Variants in TADA3 observed in about 807,000 individuals in gnomAD.
The protein encoded by TADA3 is transcriptional adapter 3.
Under a neutral mutation model 43.2 loss-of-function variants are expected in TADA3, and 25 were observed. The ratio of observed to expected loss-of-function variants is 0.58; its 90% CI spans 0.42 to 0.81. TADA3 has a LOEUF of 0.81. Ranked by LOEUF, TADA3 falls within the 30% of genes least tolerant of loss-of-function variation. TADA3 has a pLI of 0.00. For missense variants in TADA3, 441 were observed against 567.8 expected (o/e 0.78, Z 2.27); for synonymous variants, 235 against 225.5 (o/e 1.04, Z -0.38).
At chr3:9,790,010 G>C (rs918936328) in intron 2 of TADA3, 47 bp from the exon 3 acceptor site, 5 of 1,533,402 alleles carry the variant, frequency 3.3e-6, no homozygotes, top group Non-Finnish European at 4.4e-6. Flanking sequence ...GGAAAACACA[G>C]AATATCTCTT....
chr3:9,787,541 T>A, intron 4 of TADA3: 1 of 983,676 alleles, frequency 1.0e-6, no homozygotes, highest in Non-Finnish European at 1.5e-6. Flanking sequence ...CAAAAAGAAC[T>A]AAGACACACA....
chr3:9,781,394 C>A, intron 8 of TADA3: 2 of 418,196 alleles, frequency 4.8e-6, no homozygotes, highest in Admixed American at 2.5e-5. Flanking sequence ...TACTATTATT[C>A]ATATGTTACC....
At chr3:9,785,265 G>A in intron 7 of TADA3, 51 bp downstream of exon 7, 1 of 1,453,074 alleles carries the variant, frequency 6.9e-7, no homozygotes, top group Non-Finnish European at 9.6e-7. Flanking sequence ...ATGGAGAGAA[G>A]CCAACAGAAG....
Position 9,787,116 on chromosome 3 carries a change from G to T in TADA3, c.707-7C>A. 1 of 1,614,160 alleles carries T rather than the reference G, an allele frequency of 6.2e-7. No homozygotes were observed. Among genetic ancestry groups the T allele is most frequent in the East Asian group, 2.2e-5 (1 of 44,884 alleles). ...TTCAGCAGGGCATCCACATCTAAGCGGGCACAGGAAAGGAGGGGAGGTGGG... is the reference window on the plus strand; with the variant it reads ...TTCAGCAGGGCATCCACATCTAAGCTGGCACAGGAAAGGAGGGGAGGTGGG... On this transcript the variant is annotated splice_polypyrimidine_tract_variant and splice_region_variant and intron_variant, in intron 5 of 8. Coordinates refer to ENST00000301964, the MANE Select transcript of TADA3 (RefSeq NM_006354.5).
chr3:9,783,848 A>C, intron 8 of TADA3, 180 bp downstream of exon 8: 1 of 1,106,544 alleles, frequency 9.0e-7, no homozygotes, highest in Non-Finnish European at 1.2e-6. Context: ...ACTCTGTGGA[A>C]TCAGAATTTG....
chr3:9,791,942 A>T (rs925549772), intron 1 of TADA3, among the ~76,000 whole-genome samples: 4 of 151,800 alleles, frequency 2.6e-5, no homozygotes, highest in Admixed American at 1.3e-4. Flanking sequence ...CATTCTTACC[A>T]TGTTCTCTGG....
intron 8 of TADA3, chr3:9,783,315 A>C (rs1026758419): frequency 3.3e-5 from 5 of 152,090 alleles, no homozygotes; most frequent in African/African-American, 1.2e-4. Flanking sequence ...AAGAAGCGTA[A>C]ATTTTTTTTC....
chr3:9,783,675 G>T (rs1223233242), intron 8 of TADA3: 1 of 174,982 alleles, frequency 5.7e-6, no homozygotes, highest in African/African-American at 2.4e-5. Flanking sequence ...CTACTCAGGA[G>T]GCTGAGGCAG....
chr3:9,787,806 T>C (rs1425093992), intron 4 of TADA3: 1 of 946,194 alleles, frequency 1.1e-6, no homozygotes, highest in Non-Finnish European at 1.5e-6. Context: ...AGAGACTGAC[T>C]AACTTTCTGC....
chr3:9,783,439 C>G (rs1311710476), intron 8 of TADA3: 1 of 151,624 alleles, frequency 6.6e-6, no homozygotes, highest in African/African-American at 2.4e-5. Context: ...CCTGCCTCAG[C>G]CTCCCATGGA....
intron 8 of TADA3, chr3:9,781,530 G>A (rs1345381851): frequency 2.2e-6 from 1 of 456,582 alleles, no homozygotes; most frequent in Non-Finnish European, 4.4e-6. Flanking sequence ...GGTGCCAGCA[G>A]AAGGCCTGCT....
At chr3:9,789,083 GC>G (rs2078681008) in intron 4 of TADA3, among the ~76,000 whole-genome samples, 1 of 152,116 alleles carries the variant, frequency 6.6e-6, no homozygotes, top group South Asian at 2.1e-4. Context: ...CAATCTGCCC[GC>G]CCCGGCCTCC....
intron 1 of TADA3, among the ~76,000 whole-genome samples, chr3:9,791,909 A>C (rs2078745430): frequency 6.6e-6 from 1 of 152,016 alleles, no homozygotes; most frequent in Non-Finnish European, 1.5e-5. Flanking sequence ...GGGTTCTGCT[A>C]AGACTTTGAG....
chr3:9,789,455 C>T (rs913943861), intron 4 of TADA3, 54 bp downstream of exon 4: 2 of 1,511,638 alleles, frequency 1.3e-6, no homozygotes, highest in African/African-American at 1.4e-5. Flanking sequence ...ACTTCTCAGG[C>T]ACCTCTGAAC....
chr3:9,784,315 C>G, intron 7 of TADA3, 102 bp from the exon 8 acceptor site: 1 of 1,427,662 alleles, frequency 7.0e-7, no homozygotes, highest in Non-Finnish European at 9.4e-7. Flanking sequence ...ACCTGCCTTT[C>G]CCTTTGGGCA....
chr3:9,786,480 G>C (rs970342853), intron 6 of TADA3, among the ~76,000 whole-genome samples: 21 of 151,850 alleles, frequency 1.4e-4, no homozygotes, highest in African/African-American at 5.1e-4. Context: ...GTGTGTCTAA[G>C]GTCAACCAGC....
Position 9,791,405 on chromosome 3 carries a change from T to C in TADA3, c.62A>G (p.Lys21Arg), listed in dbSNP as rs1475453179. The C allele has an allele frequency of 1.3e-5, 21 of 1,614,008 alleles. No individual in the cohort carries two copies. Among genetic ancestry groups the C allele is most frequent in the Non-Finnish European group, 1.7e-5 (20 of 1,179,980 alleles). ...FHDFKSVDHL[K>R]VCPRYTAVLA... ...CACTGCCGTGTAGCGGGGACAGACC[T>C]TCAGGTGATCCACAGACTTGAAGTC... Residue 21 changes from lysine to arginine, a missense_variant, in exon 2 of 9, where the codon AAG becomes AGG. Lys to Arg is a conservative substitution (Grantham distance 26). Coordinates refer to ENST00000301964, the MANE Select transcript of TADA3 (RefSeq NM_006354.5).
In TADA3 at chr3:9,789,582, T is replaced by C; in HGVS notation, c.491A>G (p.Asp164Gly). Residue 164 changes from aspartate to glycine, a missense_variant, in exon 4 of 9, where the codon GAC (aspartate) becomes GGC (glycine). Physicochemically the swap from Asp to Gly is moderately conservative, Grantham distance 94 (BLOSUM62 -1). Coordinates refer to ENST00000301964, the MANE Select transcript of TADA3 (RefSeq NM_006354.5). ...FWASVEPYCA[D>G]ITSEEVRTLE... ...TGTGCGGACCTCCTCGCTGGTGATG[T>C]CAGCACAGTAGGGCTCCACTGAAGC... 6.2e-7 allele frequency: 1 copy of C among 1,614,152 alleles called. No homozygotes were observed. The highest frequency in any genetic ancestry group is 8.5e-7 in the Non-Finnish European group (1 of 1,180,018).
upstream of TADA3, chr3:9,792,756 G>A (rs2078772305): frequency 2.4e-6 from 3 of 1,245,944 alleles, no homozygotes; most frequent in Non-Finnish European, 3.0e-6. Context: ...AGAAACGAAG[G>A]GCTCGTCCGC....
Sources: gnomAD v4.1 joint callset for allele counts (sites outside exome capture counted in the v4.1 genomes callset) on GRCh38, gnomAD v4.1.1 for gene constraint, MANE v1.5 for transcripts, NCBI Gene and HGNC (gene_info 2026-07-23, HGNC 2026-07-21) for gene names.